Variants in TRIP11 observed in about 807,000 individuals in gnomAD.
The protein encoded by TRIP11 is thyroid receptor-interacting protein 11.
In TRIP11, 148 loss-of-function variants were observed where a neutral mutation model predicts 223.1. The observed-to-expected ratio is 0.66, with a 90% CI of 0.58 to 0.76. TRIP11 has a LOEUF of 0.76. Ranked by LOEUF, TRIP11 falls within the 30% of genes least tolerant of loss-of-function variation. TRIP11 has a pLI of 0.00. For synonymous variants in TRIP11, 762 were observed against 772.6 expected, an observed-to-expected ratio of 0.99 and a Z score of 0.23; for missense variants, 2,043 against 2,222.0, an observed-to-expected ratio of 0.92 and a Z score of 1.62.
At position 91,967,929 on chromosome 14, in the gene TRIP11, C is replaced by T. The variant is rs11848512; in HGVS notation, c.*1744G>A. The T allele has an allele frequency of 0.03, 6,015 of 200,694 alleles. 311 individuals carry two copies. The highest frequency in any genetic ancestry group is 0.12 in the African/African-American group (5,115 of 43,518). The allele number at this position is 200,694 out of a possible 1,614,324, so 12.4% of individuals were successfully genotyped here. On this transcript the variant is annotated 3_prime_UTR_variant, in exon 21 of 21. Coordinates refer to ENST00000267622, the MANE Select transcript of TRIP11 (RefSeq NM_004239.4). ...TTTGACAGTTCTAATATAGAACTTG[C>T]ATGACAACTTCCTTTAAAGTATAGT...
chr14:92,005,364 C>A lies in TRIP11; in HGVS notation c.2612G>T (p.Arg871Leu). The change falls in exon 11 of 21, where the codon CGA becomes CTA. Residue 871 changes from arginine to leucine, a missense_variant. Physicochemically the swap from Arg to Leu is moderately radical, Grantham distance 102 (BLOSUM62 -2). Transcript: ENST00000267622. ...GGTTCGACTCTGCTCTTCCCTGAGT[C>A]GTTCCAATTCTTCTTGCAGATGATT... The part of the protein sequence containing the change: ...ENNHLQEELE[R>L]LREEQSRTAP... The A allele has an allele frequency of 6.2e-6, 10 of 1,614,150 alleles. No homozygotes were observed. Among genetic ancestry groups the A allele is most frequent in the Non-Finnish European group, 8.5e-6 (10 of 1,180,040 alleles).
At chr14:92,034,971 A>T (rs2057308209) in intron 1 of TRIP11, among the ~76,000 whole-genome samples, 1 of 151,468 alleles carries the variant, frequency 6.6e-6, no homozygotes, top group Non-Finnish European at 1.5e-5. Flanking sequence ...GTAGAGTGAG[A>T]GCCCAGCAGT....
chr14:91,981,012 A>ATATATAT (rs1301331303), intron 16 of TRIP11, among the ~76,000 whole-genome samples: 2 of 49,946 alleles, frequency 4.0e-5, no homozygotes, highest in African/African-American at 1.3e-4. Context: ...ATATATATAT[A>ATATATAT]TTTTTTTTTT....
chr14:91,999,844 G>A, intron 12 of TRIP11, 124 bp downstream of exon 12: 1 of 1,297,722 alleles, frequency 7.7e-7, no homozygotes, highest in Non-Finnish European at 1.1e-6. Context: ...CTACTGCACA[G>A]CAGAGGAAGA....
At chr14:91,985,742 G>A (rs1310038882) in intron 16 of TRIP11, among the ~76,000 whole-genome samples, 1 of 152,092 alleles carries the variant, frequency 6.6e-6, no homozygotes, top group Non-Finnish European at 1.5e-5. Flanking sequence ...AAATATTTTT[G>A]CTGTCTGGCC....
At position 92,003,938 on chromosome 14, in the gene TRIP11, C is replaced by T. The variant is rs201116760; in HGVS notation, c.4038G>A (p.Gln1346=). 6.2e-7 allele frequency: 1 copy of T among 1,614,174 alleles called. No homozygotes were observed. The highest frequency in any genetic ancestry group is 1.3e-5 in the African/African-American group (1 of 75,062). ...ATTTTCTTAGCTCTTCTAACTCTTG[C>T]TGAAGCAATTCAGAAGATTCACTCA... ...EVLSESSELL[Q]QELEELRKSL... is the part of the protein sequence containing the mutation. Residue 1346 remains glutamine, a synonymous_variant, in exon 11 of 21, where the codon CAG becomes CAA. Transcript: ENST00000267622.
intron 16 of TRIP11, among the ~76,000 whole-genome samples, chr14:91,977,838 T>C (rs1474775708): frequency 1.3e-5 from 2 of 152,228 alleles, no homozygotes; most frequent in South Asian, 2.1e-4. Context: ...CTCGTTTAAC[T>C]GTTTACGATG....
intron 3 of TRIP11, 78 bp downstream of exon 3, chr14:92,025,232 G>A (rs1004583698): frequency 7.1e-6 from 8 of 1,122,516 alleles, no homozygotes; most frequent in African/African-American, 3.1e-5. Flanking sequence ...AATATACCTC[G>A]ATTTATATTC....
chr14:92,040,054 C>A lies in TRIP11; in HGVS notation c.-369G>T. 2.4e-6 allele frequency: 1 copy of A among 414,640 alleles called. No homozygotes were observed. The highest frequency in any genetic ancestry group is 4.5e-6 in the Non-Finnish European group (1 of 220,276). The allele number at this position is 414,640 out of a possible 1,614,324, so 25.7% of individuals were successfully genotyped here. On this transcript the variant is annotated 5_prime_UTR_variant, in exon 1 of 21. Coordinates refer to ENST00000267622, the MANE Select transcript of TRIP11 (RefSeq NM_004239.4). ...ATGACACTCGCTCGGAAAGCGGCAG[C>A]GGATCATAGAAAAGCGCCGCGGTGG...
At chr14:92,016,366 C>CTAGGGAAACTGGTTTGACGGG (rs2057035464) in intron 5 of TRIP11, among the ~76,000 whole-genome samples, 1 of 152,162 alleles carries the variant, frequency 6.6e-6, no homozygotes, top group Non-Finnish European at 1.5e-5. Context: ...AGTCCATCGA[C>CTAGGGAAACTGGTTTGACGGG]TAGGGAAACT....
rs891315451 is a variant in TRIP11 at position 91,995,514 on chromosome 14, G to A, written c.4894C>T (p.His1632Tyr). The A allele has an allele frequency of 6.2e-7, 1 of 1,613,730 alleles. No individual in the cohort carries two copies. The highest frequency in any genetic ancestry group is 8.5e-7 in the Non-Finnish European group (1 of 1,179,962). ...SSSNAMENAS[H>Y]QASVQVESLQ... ...GACTCTACCTGCACACTGGCTTGAT[G>A]GCTTCAAACAAAAAGAATAAAAGTC... The change falls in exon 14 of 21, where the codon CAT (histidine) becomes TAT (tyrosine). Residue 1632 changes from histidine (H) to tyrosine (Y), a missense_variant and splice_region_variant. By Grantham distance (83) the His-to-Tyr change is moderately conservative (BLOSUM62 2). Transcript: ENST00000267622.
At chr14:91,977,950 A>C (rs2056489173) in intron 16 of TRIP11, among the ~76,000 whole-genome samples, 1 of 152,220 alleles carries the variant, frequency 6.6e-6, no homozygotes, top group Non-Finnish European at 1.5e-5. Context: ...ACCATATTAT[A>C]AAAGCAAGGT....
chr14:92,033,427 G>C (rs546229805), intron 1 of TRIP11, among the ~76,000 whole-genome samples, 174 bp from the exon 2 acceptor site: 1 of 152,296 alleles, frequency 6.6e-6, no homozygotes, highest in Admixed American at 6.5e-5. Flanking sequence ...TGACACTAAT[G>C]TTCTTCATTG....
At chr14:92,007,148 C>T (rs945197968) in intron 10 of TRIP11, among the ~76,000 whole-genome samples, 88 of 152,040 alleles carry the variant, frequency 5.8e-4, no homozygotes, top group African/African-American at 2.1e-3. Context: ...CCTCAGCCTC[C>T]CGAGTAGCTG....
intron 14 of TRIP11, among the ~76,000 whole-genome samples, chr14:91,995,142 T>A (rs2056733253): frequency 6.6e-6 from 1 of 152,218 alleles, no homozygotes; most frequent in Non-Finnish European, 1.5e-5. Flanking sequence ...CTAAAACAAA[T>A]TTTTAATAAT....
intron 11 of TRIP11, among the ~76,000 whole-genome samples, chr14:92,003,017 A>C (rs917179409): frequency 1.1e-4 from 16 of 152,332 alleles, no homozygotes; most frequent in African/African-American, 3.6e-4. Flanking sequence ...TTCTTACTGC[A>C]GATGGTTAAA....
chr14:92,012,868 A>C (rs572607070), intron 7 of TRIP11, among the ~76,000 whole-genome samples: 3 of 152,234 alleles, frequency 2.0e-5, no homozygotes, highest in Admixed American at 6.5e-5. Flanking sequence ...GCAGCTATAA[A>C]GTACTAAATG....
intron 13 of TRIP11, among the ~76,000 whole-genome samples, chr14:91,997,388 T>C (rs2056764310): frequency 2.0e-5 from 3 of 152,038 alleles, no homozygotes; most frequent in Admixed American, 2.0e-4. Flanking sequence ...TTTCATTGGG[T>C]GGGAGGCAGT....
chr14:92,010,465 G>C (rs1227170665), intron 9 of TRIP11, among the ~76,000 whole-genome samples: 1 of 152,068 alleles, frequency 6.6e-6, no homozygotes, highest in Non-Finnish European at 1.5e-5. Context: ...GGGAGGCGGA[G>C]GTTGCGGTGA....
Sources: gnomAD v4.1 joint callset for allele counts (sites outside exome capture counted in the v4.1 genomes callset) on GRCh38, gnomAD v4.1.1 for gene constraint, MANE v1.5 for transcripts, NCBI Gene and HGNC (gene_info 2026-07-23, HGNC 2026-07-21) for gene names.